Variants in AP3M2 observed in about 807,000 individuals in gnomAD.
AP3M2 encodes adaptor related protein complex 3 subunit mu 2.
In AP3M2, 28 loss-of-function variants were observed where a neutral mutation model predicts 41.6. The ratio of observed to expected loss-of-function variants is 0.67; its 90% CI spans 0.50 to 0.92. The LOEUF (loss-of-function observed/expected upper bound fraction) is 0.92. Ranked by LOEUF, AP3M2 falls within the 40% of genes least tolerant of loss-of-function variation. The pLI, the probability that AP3M2 is intolerant of heterozygous loss-of-function variation, is 0.00. For missense variants in AP3M2, 427 were observed against 521.4 expected, an observed-to-expected ratio of 0.82 and a Z score of 1.76; for synonymous variants, 193 against 186.4, an observed-to-expected ratio of 1.04 and a Z score of -0.29.
intron 4 of AP3M2, among the ~76,000 whole-genome samples, chr8:42,163,848 A>T (rs1804572085): frequency 6.6e-6 from 1 of 152,186 alleles, no homozygotes; most frequent in African/African-American, 2.4e-5. Context: ...GTACACTTTA[A>T]GATTTTTACA....
intron 3 of AP3M2, 138 bp downstream of exon 3, chr8:42,158,250 G>GT (rs869114568): frequency 0.12 from 26,465 of 225,742 alleles, 2 homozygotes; most frequent in South Asian, 0.14. Flanking sequence ...CTTTGTAGTT[G>GT]TTTTTTTTTT....
chr8:42,154,628 A>T lies in AP3M2; in HGVS notation c.-60A>T, dbSNP rs1347537833. 4.5e-6 allele frequency: 7 copies of T among 1,571,734 alleles called. No homozygotes were observed. In the East Asian group the frequency reaches 6.7e-5, roughly 15 times the overall value. On this transcript the variant is annotated 5_prime_UTR_variant, in exon 2 of 9. Transcript: ENST00000396926. ...CTTTTGTTTTTAGAGTTGAAAACTT[A>T]CAGAGTCCTGAGGCTTTCAGACTGA...
chr8:42,165,630 A>C, intron 6 of AP3M2, 70 bp downstream of exon 6: 1 of 1,559,860 alleles, frequency 6.4e-7, no homozygotes, highest in Non-Finnish European at 8.7e-7. Context: ...ATCTGTGGTG[A>C]TTAAGAACTC....
In AP3M2 at chr8:42,167,819, C is replaced by G. The variant is rs1274239153; in HGVS notation, c.1156+9C>G. 1 of 1,609,972 alleles carries G rather than the reference C, an allele frequency of 6.2e-7. No homozygotes were observed. Among genetic ancestry groups the G allele is most frequent in the East Asian group, 2.2e-5 (1 of 44,854 alleles). On this transcript the variant is annotated intron_variant, in intron 8 of 8. Transcript: ENST00000396926. ...GCAGCTGGCCATTTCTGGTAAGTGA[C>G]CCAGAGCTCAAGAGGCTCCAAAGGG...
chr8:42,169,406 T>A lies in AP3M2; in HGVS notation c.*345T>A, dbSNP rs1051466395. On this transcript the variant is annotated 3_prime_UTR_variant, in exon 9 of 9. Coordinates refer to ENST00000396926, the MANE Select transcript of AP3M2 (RefSeq NM_006803.4). The stretch of plus-strand genomic sequence containing the variant: ...AATTATCTAAAGCCAATGAAAGACT[T>A]CTTTGTTGATTTTTTAAGATAGAAA... 1 of 172,380 alleles carries A rather than the reference T, an allele frequency of 5.8e-6. No individual in the cohort carries two copies. Among genetic ancestry groups the A allele is most frequent in the Non-Finnish European group, 1.2e-5 (1 of 81,800 alleles). 10.7% of individuals were successfully genotyped at this position (172,380 alleles called of 1,614,324 possible). A position where few individuals can be genotyped will look rare whatever the true frequency, so the allele number is the denominator to read the frequency against.
chr8:42,157,757 T>C (rs1001298824), intron 2 of AP3M2, among the ~76,000 whole-genome samples, 184 bp from the exon 3 acceptor site: 2 of 152,256 alleles, frequency 1.3e-5, no homozygotes, highest in African/African-American at 4.8e-5. Context: ...TAAGCCAGTC[T>C]AGTGCTTTCT....
intron 4 of AP3M2, among the ~76,000 whole-genome samples, chr8:42,162,931 A>T: frequency 7.7e-6 from 1 of 129,258 alleles, no homozygotes. Flanking sequence ...GGGCAACAGC[A>T]AGACCCTGTC....
At position 42,169,173 on chromosome 8, in the gene AP3M2, C is replaced by A; in HGVS notation, c.*112C>A. On this transcript the variant is annotated 3_prime_UTR_variant, in exon 9 of 9. Coordinates refer to ENST00000396926, the MANE Select transcript of AP3M2 (RefSeq NM_006803.4). ...AGGTCAGTCCCCTCCTGGACCCACC[C>A]GCTCCCTTTTTTCCTTAGCCTTCAG... 1.3e-6 allele frequency: 1 copy of A among 785,996 alleles called. No individual in the cohort carries two copies. The highest frequency in any genetic ancestry group is 2.0e-5 in the South Asian group (1 of 49,736). The allele number at this position is 785,996 out of a possible 1,614,324, so 48.7% of individuals were successfully genotyped here.
intron 3 of AP3M2, among the ~76,000 whole-genome samples, chr8:42,160,188 T>G (rs538980091): frequency 4.6e-5 from 7 of 152,174 alleles, no homozygotes; most frequent in Non-Finnish European, 1.0e-4. Flanking sequence ...ATCCAGATAT[T>G]CCAAAATTTA....
chr8:42,165,377 T>C, intron 5 of AP3M2, 50 bp from the exon 6 acceptor site: 1 of 1,604,770 alleles, frequency 6.2e-7, no homozygotes, highest in South Asian at 1.1e-5. Flanking sequence ...CTGAAAGCAC[T>C]GCGGGTGTTT....
At position 42,170,066 on chromosome 8, in the gene AP3M2, A is replaced by ACAGCTGTGAGTGAGTGAGCT. The variant is rs1172573368; in HGVS notation, c.*1008_*1027dup. On this transcript the variant is annotated 3_prime_UTR_variant, in exon 9 of 9. Coordinates refer to ENST00000396926, the MANE Select transcript of AP3M2 (RefSeq NM_006803.4). ...GCCGACTCTTCCCATGAAGGTGAGC[A>ACAGCTGTGAGTGAGTGAGCT]CAGCTGTGAGTGAGTGAGCTCATAT... 6.6e-6 allele frequency: 1 copy of ACAGCTGTGAGTGAGTGAGCT among 152,240 alleles called. No homozygotes were observed. The highest frequency in any genetic ancestry group is 2.4e-5 in the African/African-American group (1 of 41,454). The allele number at this position is 152,240 out of a possible 1,614,324, so 9.4% of individuals were successfully genotyped here. A position where few individuals can be genotyped will look rare whatever the true frequency, so the allele number is the denominator to read the frequency against.
chr8:42,156,955 T>A (rs185436821), intron 2 of AP3M2, among the ~76,000 whole-genome samples: 254 of 152,268 alleles, frequency 1.7e-3, no homozygotes, highest in African/African-American at 6.0e-3. Context: ...CAAATTTCAG[T>A]TTAGCAAAAG....
rs1387383296 is a variant in AP3M2, at chr8:42,169,400, A to C, written c.*339A>C. On this transcript the variant is annotated 3_prime_UTR_variant, in exon 9 of 9. Transcript: ENST00000396926. ...GGCTTTAATTATCTAAAGCCAATGA[A>C]AGACTTCTTTGTTGATTTTTTAAGA... is the stretch of plus-strand genomic sequence containing the variant. 1 of 177,944 alleles carries C rather than the reference A, an allele frequency of 5.6e-6. No individual in the cohort carries two copies. The highest frequency in any genetic ancestry group is 6.2e-5 in the Admixed American group (1 of 16,122). The allele number at this position is 177,944 out of a possible 1,614,324, so 11.0% of individuals were successfully genotyped here.
chr8:42,158,571 C>T (rs1804422761), intron 3 of AP3M2, among the ~76,000 whole-genome samples: 1 of 151,920 alleles, frequency 6.6e-6, no homozygotes, highest in South Asian at 2.1e-4. Context: ...TGAGTACAAC[C>T]TGAAATAATA....
chr8:42,162,943 CAAAAAAAAAAAA>C (rs67923954), intron 4 of AP3M2, among the ~76,000 whole-genome samples: 9 of 54,224 alleles, frequency 1.7e-4, no homozygotes, highest in African/African-American at 7.3e-4. Flanking sequence ...GACCCTGTCT[CAAAAAAAAAAAA>C]AAAAAAAAAA....
In AP3M2 at chr8:42,169,076, G is replaced by A; in HGVS notation, c.*15G>A. 6.3e-7 allele frequency: 1 copy of A among 1,577,974 alleles called. No individual in the cohort carries two copies. The highest frequency in any genetic ancestry group is 8.7e-7 in the Non-Finnish European group (1 of 1,153,764). The stretch of plus-strand genomic sequence containing the variant: ...TTCGAACCTGAAGGGAGCATTTGCT[G>A]AGGGAATAGTCTTGCACATTTTTTC... On this transcript the variant is annotated 3_prime_UTR_variant, in exon 9 of 9. Coordinates refer to ENST00000396926, the MANE Select transcript of AP3M2 (RefSeq NM_006803.4).
At position 42,169,019 on chromosome 8, in the gene AP3M2, A is replaced by C. The variant is rs754315180; in HGVS notation, c.1215A>C (p.Ile405=). ...YGEKYKPFKG[I]KYMTKAGKFQ... is the part of the protein sequence containing the mutation. ...AAAAGTACAAACCCTTTAAGGGCAT[A>C]AAATACATGACCAAAGCTGGGAAGT... The change falls in exon 9 of 9, where the codon ATA becomes ATC. Residue 405 remains isoleucine, a synonymous_variant. Transcript: ENST00000396926. The C allele has an allele frequency of 1.9e-6, 3 of 1,612,784 alleles. No individual in the cohort carries two copies. The highest frequency in any genetic ancestry group is 2.5e-6 in the Non-Finnish European group (3 of 1,179,454).
chr8:42,154,846 C>T lies in AP3M2; in HGVS notation c.159C>T (p.His53=), dbSNP rs1361458296. 6.2e-7 allele frequency: 1 copy of T among 1,614,202 alleles called. No homozygotes were observed. Among genetic ancestry groups the T allele is most frequent in the Non-Finnish European group, 8.5e-7 (1 of 1,180,034 alleles). ...TGCCTCCGGTTATCCCTACCCCTCA[C>T]CACTATCTCTTAAGTGTTTACCGCC... ...ENVPPVIPTP[H]HYLLSVYRHK... is the part of the protein sequence containing the mutation. The change falls in exon 2 of 9, where the codon CAC becomes CAT. Residue 53 remains histidine (H), a synonymous_variant. Transcript: ENST00000396926.
At chr8:42,166,557 C>T (rs1273351094) in intron 6 of AP3M2, among the ~76,000 whole-genome samples, 1 of 133,118 alleles carries the variant, frequency 7.5e-6, no homozygotes, top group Non-Finnish European at 1.5e-5. Context: ...GAGTTCGAGA[C>T]CAGCATGGGC....
Sources: allele counts gnomAD v4.1 joint callset (sites outside exome capture counted in the v4.1 genomes callset), GRCh38; gene constraint gnomAD v4.1.1; transcripts MANE v1.5; gene names NCBI Gene and HGNC (gene_info 2026-07-23, HGNC 2026-07-21).